WDPCP: variants seen among roughly 807,000 people sequenced by gnomAD.
The protein encoded by WDPCP is WD repeat containing planar cell polarity effector.
WDPCP carries 71 observed loss-of-function variants against 93.1 expected under a neutral mutation model. The ratio of observed to expected loss-of-function variants is 0.76; its 90% confidence interval spans 0.63 to 0.93. WDPCP has a LOEUF of 0.93. Ranked by LOEUF, WDPCP falls within the 40% of genes least tolerant of loss-of-function variation. The pLI is 0.00. For synonymous variants in WDPCP, 315 were observed against 315.0 expected (o/e 1.00, Z 0.00); for missense variants, 844 against 887.4 (o/e 0.95, Z 0.62).
At chr2:63,317,872 G>T (rs1240988518) in intron 12 of WDPCP, among the ~76,000 whole-genome samples, 1 of 152,142 alleles carries the variant, frequency 6.6e-6, no homozygotes, top group East Asian at 1.9e-4. Flanking sequence ...TGTCATGACA[G>T]AGACTCCACA....
At chr2:63,191,953 A>G (rs1227635368) in intron 14 of WDPCP, among the ~76,000 whole-genome samples, 4 of 152,194 alleles carry the variant, frequency 2.6e-5, no homozygotes, top group South Asian at 2.1e-4. Flanking sequence ...GGAGTTGAGT[A>G]GTTGAGATAG....
At chr2:63,144,984 A>G (rs1166072853) in intron 17 of WDPCP, among the ~76,000 whole-genome samples, 1 of 151,990 alleles carries the variant, frequency 6.6e-6, no homozygotes. Flanking sequence ...TTTCCTATGG[A>G]TGTGGCTTCC....
intron 3 of WDPCP, chr2:63,642,936 G>A (rs1278848501): frequency 6.6e-6 from 1 of 152,156 alleles, no homozygotes; most frequent in Non-Finnish European, 1.5e-5. Flanking sequence ...TCCCCATTTA[G>A]TATGATACTA....
At chr2:63,588,124 C>T in intron 1 of WDPCP, 73 bp downstream of exon 1, 1 of 1,516,818 alleles carries the variant, frequency 6.6e-7, no homozygotes, top group Non-Finnish European at 9.0e-7. Context: ...AAAAGCAAAG[C>T]GGGACGGCGC....
intron 10 of WDPCP, among the ~76,000 whole-genome samples, chr2:63,382,488 C>T (rs1022260398): frequency 1.1e-4 from 16 of 151,860 alleles, no homozygotes; most frequent in Admixed American, 8.5e-4. Context: ...TTTTTTAAAT[C>T]TTTTCAAAAT....
intron 6 of WDPCP, among the ~76,000 whole-genome samples, chr2:63,467,776 C>CAAA (rs3051717): frequency 1.1e-5 from 1 of 87,672 alleles, no homozygotes; most frequent in Non-Finnish European, 2.2e-5. Flanking sequence ...ACTCAGTCTC[C>CAAA]AAAAAAAAAA....
chr2:63,627,587 G>C (rs2106634118), intron 3 of WDPCP, among the ~76,000 whole-genome samples: 1 of 152,274 alleles, frequency 6.6e-6, no homozygotes, highest in South Asian at 2.1e-4. Flanking sequence ...CACTGGTAGA[G>C]AGCAGATAAA....
chr2:63,565,192 C>T (rs1268020953), intron 1 of WDPCP, among the ~76,000 whole-genome samples: 1 of 152,144 alleles, frequency 6.6e-6, no homozygotes, highest in Non-Finnish European at 1.5e-5. Flanking sequence ...TATCAAATCC[C>T]AGATTATTAG....
intron 2 of WDPCP, among the ~76,000 whole-genome samples, chr2:63,652,652 A>G (rs1023483587): frequency 9.2e-5 from 14 of 152,222 alleles, no homozygotes; most frequent in Non-Finnish European, 1.8e-4. Flanking sequence ...GAAAGATTTG[A>G]TAGAAATGCA....
At chr2:63,300,798 C>T (rs892448503) in intron 13 of WDPCP, among the ~76,000 whole-genome samples, 3 of 152,244 alleles carry the variant, frequency 2.0e-5, no homozygotes, top group African/African-American at 7.2e-5. Flanking sequence ...CTCTCTTAGC[C>T]TTTGGTCTGA....
At chr2:63,505,162 T>A (rs1001164003) in intron 1 of WDPCP, among the ~76,000 whole-genome samples, 15 of 152,084 alleles carry the variant, frequency 9.9e-5, no homozygotes, top group African/African-American at 3.4e-4. Flanking sequence ...AATTCTTTAA[T>A]ATTGTAATTG....
At chr2:63,439,658 G>A in intron 7 of WDPCP, 99 bp downstream of exon 7, 1 of 1,033,324 alleles carries the variant, frequency 9.7e-7, no homozygotes, top group Non-Finnish European at 1.5e-6. Flanking sequence ...TGTTGTGTTT[G>A]CAAGTCCCCA....
intron 10 of WDPCP, among the ~76,000 whole-genome samples, chr2:63,403,464 AAT>A (rs1308419087): frequency 1.3e-5 from 2 of 152,196 alleles, no homozygotes; most frequent in African/African-American, 4.8e-5. Context: ...GGGCTATATT[AAT>A]ATATAATTTT....
At chr2:63,702,624 C>T (rs1304898623) in intron 2 of WDPCP, among the ~76,000 whole-genome samples, 4 of 151,162 alleles carry the variant, frequency 2.6e-5, no homozygotes, top group Admixed American at 6.6e-5. Flanking sequence ...CTGCAAGCTA[C>T]GCCTCCGGGG....
At chr2:63,234,494 G>A (rs543360703) in intron 14 of WDPCP, among the ~76,000 whole-genome samples, 1 of 152,246 alleles carries the variant, frequency 6.6e-6, no homozygotes, top group Admixed American at 6.5e-5. Context: ...AAGCTGGAAT[G>A]TCTACAAAAT....
At chr2:63,773,026 A>T (rs1027893644) in intron 2 of WDPCP, among the ~76,000 whole-genome samples, 1 of 152,086 alleles carries the variant, frequency 6.6e-6, no homozygotes, top group African/African-American at 2.4e-5. Flanking sequence ...ATATGATCAT[A>T]TATGTACAAA....
At chr2:63,808,224 T>C (rs1486628900) in intron 2 of WDPCP, among the ~76,000 whole-genome samples, 4 of 152,220 alleles carry the variant, frequency 2.6e-5, no homozygotes, top group Non-Finnish European at 5.9e-5. Flanking sequence ...AAAAATTATT[T>C]AAGTTGCTCA....
chr2:63,525,199 T>C (rs1703235486), intron 1 of WDPCP, among the ~76,000 whole-genome samples: 2 of 151,972 alleles, frequency 1.3e-5, no homozygotes, highest in African/African-American at 4.8e-5. Context: ...AAACATTGAG[T>C]ACATATGGAC....
chr2:63,222,797 TTA>T (rs1204667852), intron 14 of WDPCP, among the ~76,000 whole-genome samples: 1 of 152,160 alleles, frequency 6.6e-6, no homozygotes, highest in Non-Finnish European at 1.5e-5. Context: ...TTTTTTTAAC[TTA>T]TAAATTATTT....
Sources: gnomAD v4.1 joint callset for allele counts (sites outside exome capture counted in the v4.1 genomes callset) on GRCh38, gnomAD v4.1.1 for gene constraint, MANE v1.5 for transcripts, NCBI Gene and HGNC (gene_info 2026-07-23, HGNC 2026-07-21) for gene names.